GON4L: variants seen among roughly 807,000 people sequenced by gnomAD.
GON4L encodes the protein GON-4-like protein.
In GON4L, 87 loss-of-function variants were observed where a neutral mutation model predicts 211.8. That is an observed-to-expected ratio of 0.41 (90% CI 0.35 to 0.49). GON4L has a LOEUF of 0.49. GON4L is among the 20% of genes least tolerant of loss of function. The pLI is 0.15. For synonymous variants in GON4L, 875 were observed against 962.6 expected, an observed-to-expected ratio of 0.91 and a Z score of 1.68; for missense variants, 2,155 against 2,659.5, an observed-to-expected ratio of 0.81 and a Z score of 4.17.
upstream of GON4L, among the ~76,000 whole-genome samples, chr1:155,858,276 C>T (rs74116434): frequency 0.027 from 4,151 of 152,130 alleles, 193 homozygotes; most frequent in African/African-American, 0.092. Flanking sequence ...TAATAAAAAA[C>T]AGAATGTCAA....
At position 155,753,286 on chromosome 1, in the gene GON4L, T is replaced by A; in HGVS notation, c.5760A>T (p.Glu1920Asp). 1 of 1,613,646 alleles carries A rather than the reference T, an allele frequency of 6.2e-7. No homozygotes were observed. The highest frequency in any genetic ancestry group is 2.2e-5 in the East Asian group (1 of 44,836). Residue 1920 changes from glutamate (E) to aspartate (D), a missense_variant, in exon 29 of 32, where the codon GAA becomes GAT. By Grantham distance (45) the Glu-to-Asp change is conservative. This residue lies in a region of GON4L where 455 missense variants were observed against 504.6 expected (regional missense o/e 0.90). Coordinates refer to ENST00000368331, the MANE Select transcript of GON4L (RefSeq NM_001282860.2). ...AGQGKDMMEEEAPEERESTEA... is the reference protein window; with the variant it reads ...AGQGKDMMEEDAPEERESTEA... The stretch of plus-strand genomic sequence containing the variant: ...CAGTGCTCTCCCGCTCCTCTGGGGC[T>A]TCCTCTTCCATCATATCCTTGCCCT...
intron 12 of GON4L, among the ~76,000 whole-genome samples, chr1:155,789,935 T>TA (rs1426278940): frequency 6.6e-6 from 1 of 152,072 alleles, no homozygotes; most frequent in Non-Finnish European, 1.5e-5. Context: ...CCTTATTATT[T>TA]TTTATTTATT....
chr1:155,801,252 T>G (rs1227174938), intron 11 of GON4L, among the ~76,000 whole-genome samples: 1 of 152,080 alleles, frequency 6.6e-6, no homozygotes, highest in Non-Finnish European at 1.5e-5. Flanking sequence ...AAATTTCATG[T>G]ATTTGGATAT....
chr1:155,818,400 CCG>C (rs1317723680), intron 6 of GON4L, among the ~76,000 whole-genome samples: 1 of 152,204 alleles, frequency 6.6e-6, no homozygotes, highest in Non-Finnish European at 1.5e-5. Context: ...GCATGAGCCA[CCG>C]TGCCCAGCCA....
At chr1:155,851,508 G>A (rs1671792893) in intron 2 of GON4L, among the ~76,000 whole-genome samples, 1 of 151,912 alleles carries the variant, frequency 6.6e-6, no homozygotes, top group Admixed American at 6.6e-5. Flanking sequence ...CTGAGGTCAG[G>A]AGTTCAGGAC....
chr1:155,822,484 T>C lies in GON4L; in HGVS notation c.698-8A>G, dbSNP rs1379837258. 2 of 1,608,030 alleles carry C rather than the reference T, an allele frequency of 1.2e-6. No homozygotes were observed. The highest frequency in any genetic ancestry group is 1.7e-6 in the Non-Finnish European group (2 of 1,175,890). Reference sequence around the variant, plus strand: ...CTTCATTGTCTTGTTCTTCTGCAAATAAACCAAGAACATCATCAGAATTCC... The same window carrying C: ...CTTCATTGTCTTGTTCTTCTGCAAACAAACCAAGAACATCATCAGAATTCC... On this transcript the variant is annotated splice_region_variant and splice_polypyrimidine_tract_variant and intron_variant, in intron 3 of 31. Transcript: ENST00000368331.
chr1:155,807,416 A>T (rs935488042), intron 10 of GON4L, among the ~76,000 whole-genome samples: 14 of 152,054 alleles, frequency 9.2e-5, no homozygotes, highest in Admixed American at 3.3e-4. Context: ...TATTTATTTT[A>T]AAAAAATGAG....
chr1:155,774,696 G>C (rs143645681), intron 17 of GON4L: 4 of 453,496 alleles, frequency 8.8e-6, no homozygotes, highest in African/African-American at 5.9e-5. Context: ...AGTTTATCTC[G>C]ATCTGACTCC....
At chr1:155,771,527 G>C (rs1044300473) in intron 18 of GON4L, among the ~76,000 whole-genome samples, 2 of 151,924 alleles carry the variant, frequency 1.3e-5, no homozygotes, top group African/African-American at 4.8e-5. Flanking sequence ...GTTGGAGAGC[G>C]GGTGGCATGA....
At chr1:155,840,386 A>G (rs140181854) in intron 2 of GON4L, among the ~76,000 whole-genome samples, 8 of 152,300 alleles carry the variant, frequency 5.3e-5, no homozygotes, top group Admixed American at 2.0e-4. Context: ...CTGTGTCAAT[A>G]CAGTATTTTG....
chr1:155,803,973 G>A (rs1425525924), intron 11 of GON4L, among the ~76,000 whole-genome samples: 1 of 152,162 alleles, frequency 6.6e-6, no homozygotes, highest in Non-Finnish European at 1.5e-5. Flanking sequence ...CCCAAAGTCT[G>A]GTTTCATTTC....
In GON4L at chr1:155,795,075, C is replaced by T. The variant is rs768356514; in HGVS notation, c.1722G>A (p.Arg574=). ...DLDEPDTEDF[R]TDRAVRITKK... Reference sequence around the variant, plus strand: ...TGGTGATTCTCACTGCCCGGTCAGTCCGGAAATCCTCTGTGTCTGGTTCAT... The same window carrying T: ...TGGTGATTCTCACTGCCCGGTCAGTTCGGAAATCCTCTGTGTCTGGTTCAT... Residue 574 remains arginine, a synonymous_variant, in exon 12 of 32, where the codon CGG becomes CGA. Coordinates refer to ENST00000368331, the MANE Select transcript of GON4L (RefSeq NM_001282860.2). The T allele has an allele frequency of 6.2e-7, 1 of 1,602,690 alleles. No homozygotes were observed. The highest frequency in any genetic ancestry group is 2.2e-5 in the East Asian group (1 of 44,814).
At chr1:155,787,435 T>C (rs1665072290) in intron 12 of GON4L, among the ~76,000 whole-genome samples, 1 of 152,174 alleles carries the variant, frequency 6.6e-6, no homozygotes, top group Non-Finnish European at 1.5e-5. Flanking sequence ...TCTGGAGGAC[T>C]GTGAACAATT....
Position 155,773,103 on chromosome 1 carries a change from G to T in GON4L, c.2458C>A (p.Pro820Thr), listed in dbSNP as rs760454537. The T allele has an allele frequency of 1.9e-5, 31 of 1,612,686 alleles. No individual in the cohort carries two copies. Among genetic ancestry groups the T allele is most frequent in the Non-Finnish European group, 2.5e-5 (30 of 1,179,944 alleles). The stretch of plus-strand genomic sequence containing the variant: ...TTGGTGAAGACGATCTTATCCTGGG[G>T]ATTCTTTGCCTTCAGGGAACACACT... ...LPVCSLKAKN[P>T]QDKIVFTKAE... Residue 820 changes from proline to threonine, a missense_variant, in exon 18 of 32, where the codon CCC (proline) becomes ACC (threonine). Pro to Thr is a conservative substitution (Grantham distance 38). Around this residue, in one of 6 missense-constraint regions of GON4L, gnomAD observed 551 missense variants for 854.0 expected, o/e 0.65. Transcript: ENST00000368331.
chr1:155,801,454 T>C (rs1441001176), intron 11 of GON4L, among the ~76,000 whole-genome samples: 1 of 152,150 alleles, frequency 6.6e-6, no homozygotes, highest in Non-Finnish European at 1.5e-5. Context: ...TTTTTCTCCT[T>C]ACACAATTTT....
chr1:155,747,037 A>G, downstream of GON4L: 7 of 1,604,648 alleles, frequency 4.4e-6, no homozygotes, highest in Non-Finnish European at 5.9e-6. Flanking sequence ...AAAGGAGGCT[A>G]TGCGGTGTGG....
intron 27 of GON4L, among the ~76,000 whole-genome samples, chr1:155,755,123 T>G (rs1433481017): frequency 1.4e-5 from 2 of 146,640 alleles, no homozygotes; most frequent in Admixed American, 1.4e-4. Context: ...CAGGCTGGAG[T>G]GCAGTGGCGT....
intron 18 of GON4L, 108 bp from the exon 19 acceptor site, chr1:155,771,325 A>G: frequency 6.9e-7 from 1 of 1,446,296 alleles, no homozygotes; most frequent in South Asian, 1.2e-5. Context: ...TTCTTGAGAC[A>G]AGGTCTCACG....
Position 155,766,590 on chromosome 1 carries a change from C to G in GON4L, c.2883G>C (p.Leu961Phe). The change falls in exon 21 of 32, where the codon TTG (leucine) becomes TTC (phenylalanine). Residue 961 changes from leucine to phenylalanine, a missense_variant. By Grantham distance (22) the Leu-to-Phe change is conservative. Around this residue, in one of 6 missense-constraint regions of GON4L, gnomAD observed 615 missense variants for 625.7 expected, o/e 0.98. Transcript: ENST00000368331. ...NSDRSLEKDN[L>F]ELGSESRYPL... ...GGTACCGAGATTCACTCCCCAACTC[C>G]AAATTGTCTTTTTCTAGGCTTCGAT... The G allele has an allele frequency of 6.2e-7, 1 of 1,614,172 alleles. No homozygotes were observed. The highest frequency in any genetic ancestry group is 1.1e-5 in the South Asian group (1 of 91,070).
Sources: allele counts gnomAD v4.1 joint callset (sites outside exome capture counted in the v4.1 genomes callset), GRCh38; gene constraint gnomAD v4.1.1; regional missense constraint gnomAD v4.1.1; transcripts MANE v1.5; gene names NCBI Gene and HGNC (gene_info 2026-07-23, HGNC 2026-07-21).